Variants in KCNT2 observed in about 807,000 individuals in gnomAD.
The protein encoded by KCNT2 is potassium sodium-activated channel subfamily T member 2.
A neutral mutation model predicts 153.8 loss-of-function variants in KCNT2; 67 were observed. The ratio of observed to expected loss-of-function variants is 0.44; its 90% CI spans 0.36 to 0.53. The LOEUF is 0.53. KCNT2 is among the 20% of genes least tolerant of loss of function. The pLI is 0.00. For missense variants in KCNT2, 975 were observed against 1,354.8 expected, an observed-to-expected ratio of 0.72 and a Z score of 4.40; for synonymous variants, 500 against 458.8, an observed-to-expected ratio of 1.09 and a Z score of -1.15.
chr1:196,563,838 A>C (rs920974744), intron 1 of KCNT2, among the ~76,000 whole-genome samples: 2 of 151,990 alleles, frequency 1.3e-5, no homozygotes, highest in African/African-American at 4.8e-5. Flanking sequence ...AGTATCAAGA[A>C]AGTACATGTA....
At chr1:196,279,914 A>G (rs1658935609) in intron 25 of KCNT2, among the ~76,000 whole-genome samples, 1 of 152,118 alleles carries the variant, frequency 6.6e-6, no homozygotes, top group Non-Finnish European at 1.5e-5. Flanking sequence ...GGATTTATTA[A>G]TTTTGTCACT....
chr1:196,564,770 T>C (rs1659879306), intron 1 of KCNT2, among the ~76,000 whole-genome samples: 1 of 151,882 alleles, frequency 6.6e-6, no homozygotes, highest in African/African-American at 2.4e-5. Flanking sequence ...CTTCAATAAA[T>C]GGTGTTGGGA....
chr1:196,520,218 T>C (rs1213587689), intron 1 of KCNT2, among the ~76,000 whole-genome samples: 3 of 152,080 alleles, frequency 2.0e-5, no homozygotes, highest in Non-Finnish European at 4.4e-5. Flanking sequence ...CATGATCATC[T>C]CAATAGATGC....
intron 13 of KCNT2, among the ~76,000 whole-genome samples, chr1:196,375,853 A>C (rs190194208): frequency 2.3e-4 from 35 of 151,920 alleles, no homozygotes; most frequent in Non-Finnish European, 4.0e-4. Context: ...TAAATTCAGT[A>C]CTCTTTTCAT....
intron 10 of KCNT2, 140 bp downstream of exon 10, chr1:196,427,965 T>C (rs1387072604): frequency 1.4e-5 from 8 of 553,732 alleles, no homozygotes; most frequent in African/African-American, 1.9e-5. Context: ...GTTATATTTG[T>C]GGTTCTTCAT....
In KCNT2 at chr1:196,333,862, A is replaced by G. The variant is rs1008524163; in HGVS notation, c.1982T>C (p.Met661Thr). 6.2e-7 allele frequency: 1 copy of G among 1,607,638 alleles called. No homozygotes were observed. Among genetic ancestry groups the G allele is most frequent in the East Asian group, 2.2e-5 (1 of 44,662 alleles). The change falls in exon 17 of 28, where the codon ATG (methionine) becomes ACG (threonine). Residue 661 changes from methionine (M) to threonine (T), a missense_variant. Physicochemically the swap from Met to Thr is moderately conservative, Grantham distance 81 (BLOSUM62 -1). Around this residue, in one of 6 missense-constraint regions of KCNT2, gnomAD observed 325 missense variants for 388.1 expected, o/e 0.84. Transcript: ENST00000294725. ...CTGAACATACTCTAAGTTTGAAGAC[A>G]TTTCTTCATCTGGTGTAGTTTCATC... ...SEDETTPDEE[M>T]SSNLEYAKGY...
At chr1:196,235,501 A>AAAAT (rs1161448996) in intron 27 of KCNT2, among the ~76,000 whole-genome samples, 2 of 151,608 alleles carry the variant, frequency 1.3e-5, no homozygotes, top group East Asian at 3.9e-4. Context: ...GAAGTCAGAG[A>AAAAT]AAATGCCTTA....
chr1:196,366,376 C>T (rs1359818475), intron 14 of KCNT2, among the ~76,000 whole-genome samples: 1 of 151,932 alleles, frequency 6.6e-6, no homozygotes, highest in East Asian at 1.9e-4. Flanking sequence ...TCATGCCAGG[C>T]TCAAATGCCT....
At chr1:196,340,240 T>C in intron 16 of KCNT2, 101 bp downstream of exon 16, 2 of 749,062 alleles carry the variant, frequency 2.7e-6, no homozygotes, top group Non-Finnish European at 2.1e-6. Context: ...ATGTTTGAAA[T>C]TTTCTTTAAA....
chr1:196,448,065 A>G (rs973616423), intron 8 of KCNT2, among the ~76,000 whole-genome samples: 4 of 151,722 alleles, frequency 2.6e-5, no homozygotes, highest in Non-Finnish European at 5.9e-5. Context: ...TTTTCACCAC[A>G]ACATGTCATC....
At chr1:196,505,510 G>C (rs1681059084) in intron 1 of KCNT2, among the ~76,000 whole-genome samples, 3 of 149,896 alleles carry the variant, frequency 2.0e-5, no homozygotes, top group Admixed American at 6.6e-5. Context: ...TTTGAAGTCA[G>C]GTAGTGTGAT....
At chr1:196,544,095 A>G (rs4658038) in intron 1 of KCNT2, among the ~76,000 whole-genome samples, 149,709 of 152,244 alleles carry the variant, frequency 0.98, 73,648 homozygotes, top group Middle Eastern at 1. Context: ...CAACTGAAGT[A>G]ACTCTCCAAA....
chr1:196,417,046 G>C (rs368831857), intron 12 of KCNT2, among the ~76,000 whole-genome samples: 1 of 151,848 alleles, frequency 6.6e-6, no homozygotes, highest in Non-Finnish European at 1.5e-5. Flanking sequence ...TTCACTTAAC[G>C]TAAGTAAATG....
At chr1:196,254,731 A>C (rs1191704972) in intron 26 of KCNT2, among the ~76,000 whole-genome samples, 2 of 151,596 alleles carry the variant, frequency 1.3e-5, no homozygotes, top group African/African-American at 4.8e-5. Context: ...TTTCTTGTTA[A>C]GTTTGCTTAT....
chr1:196,555,484 A>G, intron 1 of KCNT2, among the ~76,000 whole-genome samples: 1 of 151,086 alleles, frequency 6.6e-6, no homozygotes, highest in Non-Finnish European at 1.5e-5. Flanking sequence ...ATAAAATACT[A>G]ATGTAAGAAA....
chr1:196,241,005 G>A (rs989249391), intron 26 of KCNT2, among the ~76,000 whole-genome samples: 5 of 151,810 alleles, frequency 3.3e-5, no homozygotes, highest in Non-Finnish European at 7.4e-5. Flanking sequence ...TAAAAGGGGC[G>A]AGGAAGAGAG....
intron 16 of KCNT2, among the ~76,000 whole-genome samples, chr1:196,334,307 C>T (rs991665630): frequency 3.3e-5 from 5 of 151,500 alleles, no homozygotes; most frequent in Admixed American, 2.0e-4. Context: ...TTCTATGGCA[C>T]AAAACATAAG....
intron 1 of KCNT2, among the ~76,000 whole-genome samples, chr1:196,499,515 C>T (rs900140733): frequency 2.0e-5 from 3 of 152,090 alleles, no homozygotes; most frequent in Non-Finnish European, 4.4e-5. Flanking sequence ...AATGTGGTAG[C>T]CAATTTTTTC....
chr1:196,472,218 A>G (rs1347557101), intron 5 of KCNT2, among the ~76,000 whole-genome samples: 1 of 152,202 alleles, frequency 6.6e-6, no homozygotes, highest in Non-Finnish European at 1.5e-5. Context: ...TATTTCATAC[A>G]CACTCTTCCC....
Sources: gnomAD v4.1 joint callset for allele counts (sites outside exome capture counted in the v4.1 genomes callset) on GRCh38, gnomAD v4.1.1 for gene constraint, gnomAD v4.1.1 regional missense constraint, MANE v1.5 for transcripts, NCBI Gene and HGNC (gene_info 2026-07-23, HGNC 2026-07-21) for gene names.